AMOTL2: variants seen among roughly 807,000 people sequenced by gnomAD.
AMOTL2 encodes the protein angiomotin-like protein 2.
AMOTL2 carries 33 observed loss-of-function variants against 78.4 expected under a neutral mutation model. The ratio of observed to expected loss-of-function variants is 0.42; its 90% CI spans 0.32 to 0.56. The LOEUF (loss-of-function observed/expected upper bound fraction) is 0.56, where lower values mean the gene tolerates loss of function less well. Ranked by LOEUF, AMOTL2 falls within the 20% of genes least tolerant of loss-of-function variation. The pLI is 0.12. For missense variants in AMOTL2, 983 were observed against 1,030.1 expected, an observed-to-expected ratio of 0.95 and a Z score of 0.63; for synonymous variants, 422 against 428.8, an observed-to-expected ratio of 0.98 and a Z score of 0.20.
At position 134,367,645 on chromosome 3, in the gene AMOTL2, C is replaced by T; in HGVS notation, c.893G>A (p.Ser298Asn). The T allele has an allele frequency of 6.2e-7, 1 of 1,613,358 alleles. No homozygotes were observed. The highest frequency in any genetic ancestry group is 1.3e-5 in the African/African-American group (1 of 75,036). Residue 298 changes from serine (S) to asparagine (N), a missense_variant, in exon 3 of 10, where the codon AGT (serine) becomes AAT (asparagine). Transcript: ENST00000249883. ...CGAGGTGGCTGAGGAGGCCTGGGCA[C>T]TCACTGGCCCCTCCACAGCAGGTGG... is the stretch of plus-strand genomic sequence containing the variant. ...LSPPAVEGPVSAQASSATSGS... is the reference protein window; with the variant it reads ...LSPPAVEGPVNAQASSATSGS...
At position 134,374,308 on chromosome 3, in the gene AMOTL2, CGCGCTCTCCCGAGCGCCG is replaced by C. The variant is rs1388606502; in HGVS notation, c.-62+16_-62+33del. On this transcript the variant is annotated intron_variant, in intron 1 of 9. Transcript: ENST00000249883. ...GCTGGGGCACGTTTCTGTGGCCTCG[CGCGCTCTCCCGAGCGCCG>C]AGCGGCCTTCCTTACCGCTGCGGCC... 1 of 985,318 alleles carries C rather than the reference CGCGCTCTCCCGAGCGCCG, an allele frequency of 1.0e-6. No homozygotes were observed. The highest frequency in any genetic ancestry group is 1.7e-5 in the African/African-American group (1 of 57,248). 61.0% of individuals were successfully genotyped at this position (985,318 alleles called of 1,614,324 possible).
At chr3:134,374,847 A>T, upstream of AMOTL2, 4 of 1,173,960 alleles carry the variant, frequency 3.4e-6, no homozygotes, top group Non-Finnish European at 3.2e-6. Context: ...CGACGGGACG[A>T]CAGCAAGGGC....
Position 134,360,175 on chromosome 3 carries a change from G to A in AMOTL2, c.1814C>T (p.Pro605Leu). Residue 605 changes from proline (P) to leucine (L), a missense_variant, in exon 7 of 10, where the codon CCC (proline) becomes CTC (leucine). By Grantham distance (98) the Pro-to-Leu change is moderately conservative (BLOSUM62 -3). Transcript: ENST00000249883. ...CTCATTGAAGCTGCTGCTGGGTGAG[G>A]GCTGGGGGGAATGTCGGATGAGAGT... ...DTTLIRHSPQ[P>L]SPSSSFNEGL... The A allele has an allele frequency of 1.2e-6, 2 of 1,614,114 alleles. No individual in the cohort carries two copies. The highest frequency in any genetic ancestry group is 2.2e-5 in the South Asian group (2 of 91,052).
Position 134,367,505 on chromosome 3 carries a change from T to C in AMOTL2, c.1033A>G (p.Ile345Val). ...LESSAEKAGR[I>V]EKLESEIQRL... ...GCCCCAGCAGGGCCTACCTTCTCAA[T>C]GCGGCCAGCCTTCTCCGCAGAGCTC... The change falls in exon 3 of 10, where the codon ATT (isoleucine) becomes GTT (valine). Residue 345 changes from isoleucine to valine, a missense_variant. Ile to Val is a conservative substitution (Grantham distance 29). Transcript: ENST00000249883. 2 of 1,611,738 alleles carry C rather than the reference T, an allele frequency of 1.2e-6. No homozygotes were observed. The highest frequency in any genetic ancestry group is 1.7e-6 in the Non-Finnish European group (2 of 1,179,826).
rs767729650 is a variant in AMOTL2, at chr3:134,371,156, C to T, written c.278G>A (p.Arg93Gln). Reference protein sequence around the residue: ...ENHLAENTLYRLCPQPSKGEE... With the variant: ...ENHLAENTLYQLCPQPSKGEE... ...TCCCTTGCTGGGCTGTGGGCATAGCCGGTAGAGGGTGTTCTCTGCCAGGTG... is the reference window on the plus strand; with the variant it reads ...TCCCTTGCTGGGCTGTGGGCATAGCTGGTAGAGGGTGTTCTCTGCCAGGTG... The change falls in exon 2 of 10, where the codon CGG becomes CAG. Residue 93 changes from arginine to glutamine, a missense_variant. Arg to Gln is a conservative substitution (Grantham distance 43, BLOSUM62 1). Transcript: ENST00000249883. The T allele has an allele frequency of 6.2e-6, 10 of 1,613,772 alleles. No individual in the cohort carries two copies. Among genetic ancestry groups the T allele is most frequent in the African/African-American group, 1.3e-5 (1 of 74,914 alleles).
rs1253847933 is a variant in AMOTL2, at chr3:134,358,680, G to T, written c.2144C>A (p.Pro715His). 2 of 1,614,040 alleles carry T rather than the reference G, an allele frequency of 1.2e-6. No homozygotes were observed. Among genetic ancestry groups the T allele is most frequent in the African/African-American group, 2.7e-5 (2 of 74,934 alleles). Residue 715 changes from proline to histidine, a missense_variant, in exon 9 of 10, where the codon CCC (proline) becomes CAC (histidine). Pro to His is a moderately conservative substitution (Grantham distance 77, BLOSUM62 -2). Coordinates refer to ENST00000249883, the MANE Select transcript of AMOTL2 (RefSeq NM_016201.4). Reference sequence around the variant, plus strand: ...CCCGTGTTTGGCATGGGCAGCAGGGGGAGCTGTGACCACTGGCTCCTCTGT... The same window carrying T: ...CCCGTGTTTGGCATGGGCAGCAGGGTGAGCTGTGACCACTGGCTCCTCTGT... Reference protein sequence around the residue: ...APTEEPVVTAPPAAHAKHGSR... With the variant: ...APTEEPVVTAHPAAHAKHGSR...
At chr3:134,360,960 G>T (rs1314387047) in intron 6 of AMOTL2, among the ~76,000 whole-genome samples, 1 of 152,178 alleles carries the variant, frequency 6.6e-6, no homozygotes, top group Non-Finnish European at 1.5e-5. Context: ...GACCACGTGA[G>T]GTCAGGGGTT....
chr3:134,369,612 C>A (rs1262613298), intron 2 of AMOTL2, among the ~76,000 whole-genome samples: 1 of 152,164 alleles, frequency 6.6e-6, no homozygotes, highest in Non-Finnish European at 1.5e-5. Context: ...CCTCTGGTTC[C>A]GCCATACCAA....
chr3:134,375,346 T>A (rs773645217), upstream of AMOTL2: 2 of 1,087,272 alleles, frequency 1.8e-6, no homozygotes, highest in South Asian at 2.7e-5. Context: ...TCTGTTATCA[T>A]CCCTGTGTTG....
In AMOTL2 at chr3:134,374,440, G is replaced by A. The variant is rs2107752328; in HGVS notation, c.-160C>T. ...AAGATGTGTTCTCGGCCGTGGCGCC[G>A]ACGCTCTGGCTGTTCGCGCCCCAGC... On this transcript the variant is annotated 5_prime_UTR_variant, in exon 1 of 10. Coordinates refer to ENST00000249883, the MANE Select transcript of AMOTL2 (RefSeq NM_016201.4). The A allele has an allele frequency of 3.0e-6, 3 of 985,490 alleles. No homozygotes were observed. The highest frequency in any genetic ancestry group is 1.1e-4 in the East Asian group (1 of 8,788). 61.0% of individuals were successfully genotyped at this position (985,490 alleles called of 1,614,324 possible). A position where few individuals can be genotyped will look rare whatever the true frequency, so the allele number is the denominator to read the frequency against.
At chr3:134,372,788 G>C (rs761833259) in intron 1 of AMOTL2, among the ~76,000 whole-genome samples, 2 of 152,086 alleles carry the variant, frequency 1.3e-5, no homozygotes, top group Admixed American at 1.3e-4. Flanking sequence ...TCTAAGCCTG[G>C]GCTCCCAGTG....
In AMOTL2 at chr3:134,355,791, G is replaced by C. The variant is rs2017054042; in HGVS notation, c.*1914C>G. ...AAATTCTATCTTGGGTCCTTGAAGA[G>C]ATTGGACTATGACTTGGGTGGCCCC... On this transcript the variant is annotated 3_prime_UTR_variant, in exon 10 of 10. Transcript: ENST00000249883. 2.6e-5 allele frequency: 4 copies of C among 152,626 alleles called. No homozygotes were observed. The highest frequency in any genetic ancestry group is 1.3e-4 in the Admixed American group (2 of 15,282). 9.5% of individuals were successfully genotyped at this position (152,626 alleles called of 1,614,324 possible).
chr3:134,361,822 A>T lies in AMOTL2; in HGVS notation c.1280-15T>A. 1.3e-6 allele frequency: 2 copies of T among 1,510,540 alleles called. No homozygotes were observed. The highest frequency in any genetic ancestry group is 1.8e-6 in the Non-Finnish European group (2 of 1,122,494). 93.6% of individuals were successfully genotyped at this position (1,510,540 alleles called of 1,614,324 possible). A position where few individuals can be genotyped will look rare whatever the true frequency, so the allele number is the denominator to read the frequency against. On this transcript the variant is annotated splice_polypyrimidine_tract_variant and intron_variant, in intron 5 of 9. Transcript: ENST00000249883. ...CTGTTCGTAGCCTGTAGGGAGAAAG[A>T]GGCTTGATCAGTGACAGTGACCACG...
chr3:134,374,080 G>T, intron 1 of AMOTL2: 1 of 306,802 alleles, frequency 3.3e-6, no homozygotes, highest in Non-Finnish European at 4.6e-6. Flanking sequence ...CTCCGGAGTC[G>T]GCCCTCTCCC....
chr3:134,359,211 A>AG, intron 8 of AMOTL2, 72 bp downstream of exon 8: 2 of 1,534,494 alleles, frequency 1.3e-6, no homozygotes, highest in Non-Finnish European at 1.8e-6. Flanking sequence ...CTGGGAGGAA[A>AG]GGTCTGGCAA....
At chr3:134,365,282 T>C (rs1419061783) in intron 5 of AMOTL2, among the ~76,000 whole-genome samples, 1 of 152,236 alleles carries the variant, frequency 6.6e-6, no homozygotes, top group Non-Finnish European at 1.5e-5. Flanking sequence ...TCTTCAAGGA[T>C]GCTTAGACCG....
In AMOTL2 at chr3:134,357,506, G is replaced by A. The variant is rs2017127051; in HGVS notation, c.*199C>T. On this transcript the variant is annotated 3_prime_UTR_variant, in exon 10 of 10. Coordinates refer to ENST00000249883, the MANE Select transcript of AMOTL2 (RefSeq NM_016201.4). ...TGTGGGCTAAGAAGCAGAGTCTTCT[G>A]GGGGTGCCGGTGCTCTCACAGCTCT... The A allele has an allele frequency of 3.3e-6, 2 of 610,548 alleles. No individual in the cohort carries two copies. The highest frequency in any genetic ancestry group is 3.7e-5 in the African/African-American group (2 of 54,550). 37.8% of individuals were successfully genotyped at this position (610,548 alleles called of 1,614,324 possible).
chr3:134,362,822 C>A (rs906966982), intron 5 of AMOTL2, among the ~76,000 whole-genome samples: 2 of 152,236 alleles, frequency 1.3e-5, no homozygotes. Context: ...CAGGCTGCCC[C>A]CTGAGGAGCA....
upstream of AMOTL2, chr3:134,375,339 G>GT: frequency 8.9e-7 from 1 of 1,124,950 alleles, no homozygotes; most frequent in African/African-American, 1.5e-5. Context: ...ACGGAGTTCT[G>GT]TTATCATCCC....
Sources: gnomAD v4.1 joint callset for allele counts (sites outside exome capture counted in the v4.1 genomes callset) on GRCh38, gnomAD v4.1.1 for gene constraint, MANE v1.5 for transcripts, NCBI Gene and HGNC (gene_info 2026-07-23, HGNC 2026-07-21) for gene names.